The following SPATA6 variants were observed in gnomAD, a reference collection of about 807,000 sequenced individuals.
The protein encoded by SPATA6 is spermatogenesis-associated protein 6.
A neutral mutation model predicts 65.3 loss-of-function variants in SPATA6; 56 were observed. The observed-to-expected ratio is 0.86, with a 90% CI of 0.69 to 1.07. The LOEUF (loss-of-function observed/expected upper bound fraction) is 1.07, where lower values mean the gene tolerates loss of function less well. Ranked by LOEUF, SPATA6 falls within the 50% of genes least tolerant of loss-of-function variation. The pLI is 0.00. For synonymous variants in SPATA6, 199 were observed against 213.2 expected, an observed-to-expected ratio of 0.93 and a Z score of 0.58; for missense variants, 590 against 594.8, an observed-to-expected ratio of 0.99 and a Z score of 0.08.
At chr1:48,365,505 G>C (rs906572248) in intron 9 of SPATA6, among the ~76,000 whole-genome samples, 23 of 152,102 alleles carry the variant, frequency 1.5e-4, no homozygotes, top group Non-Finnish European at 3.1e-4. Flanking sequence ...TCCTTGAAGA[G>C]GTCCTTCACA....
chr1:48,272,435 A>G, the SPATA6 span, among the ~76,000 whole-genome samples: 1 of 152,294 alleles, frequency 6.6e-6, no homozygotes, highest in East Asian at 1.9e-4. Context: ...TGAGATCATG[A>G]AGTATTTTTC....
At chr1:48,457,450 A>G (rs1311304293) in intron 1 of SPATA6, among the ~76,000 whole-genome samples, 1 of 152,164 alleles carries the variant, frequency 6.6e-6, no homozygotes, top group African/African-American at 2.4e-5. Context: ...AAAAAAGAAA[A>G]AAAGAAGATA....
chr1:48,291,088 T>C (rs1247119252), downstream of SPATA6, among the ~76,000 whole-genome samples: 2 of 152,218 alleles, frequency 1.3e-5, no homozygotes, highest in Non-Finnish European at 1.5e-5. Flanking sequence ...ACTGACCACA[T>C]AGCTGGAAGT....
At chr1:48,450,929 T>C (rs1395722171) in intron 3 of SPATA6, among the ~76,000 whole-genome samples, 1 of 152,178 alleles carries the variant, frequency 6.6e-6, no homozygotes, top group African/African-American at 2.4e-5. Context: ...CCCTTTCAAA[T>C]TACAAAGATA....
the SPATA6 span, among the ~76,000 whole-genome samples, chr1:48,279,063 T>C: frequency 7.9e-5 from 12 of 152,196 alleles, no homozygotes; most frequent in South Asian, 1.0e-3. Context: ...AACCCAGAAT[T>C]TCATATCCAG....
chr1:48,387,730 C>G (rs1383479357), intron 8 of SPATA6, among the ~76,000 whole-genome samples: 14 of 152,290 alleles, frequency 9.2e-5, no homozygotes. Flanking sequence ...TCCACCACTA[C>G]TGGCACCTGA....
chr1:48,356,170 C>G (rs1470726984), intron 10 of SPATA6, among the ~76,000 whole-genome samples: 1 of 152,050 alleles, frequency 6.6e-6, no homozygotes, highest in African/African-American at 2.4e-5. Flanking sequence ...CAGAGCAACA[C>G]AGAAGTTAAA....
At chr1:48,284,458 GT>G in the SPATA6 span, among the ~76,000 whole-genome samples, 1 of 152,248 alleles carries the variant, frequency 6.6e-6, no homozygotes, top group East Asian at 1.9e-4. Flanking sequence ...TCTCCATCCA[GT>G]TTTGTTCCCT....
intron 11 of SPATA6, among the ~76,000 whole-genome samples, chr1:48,314,715 G>C (rs897694666): frequency 2.6e-5 from 4 of 151,856 alleles, no homozygotes; most frequent in African/African-American, 9.7e-5. Context: ...AGGAGACAGA[G>C]ACACAAAAGA....
Position 48,472,004 on chromosome 1 carries a change from G to C in SPATA6, c.5C>G (p.Pro2Arg), listed in dbSNP as rs538256444. M[P>R]KVKALQCALA... ...GGCGCACTGCAGCGCCTTCACCTTC[G>C]GCATCCGTGCGGGGAGGGGCGGCGG... Residue 2 changes from proline (P) to arginine (R), a missense_variant, in exon 1 of 13, where the codon CCG becomes CGG. By Grantham distance (103) the Pro-to-Arg change is moderately radical. Transcript: ENST00000371847. 14 of 1,575,524 alleles carry C rather than the reference G, an allele frequency of 8.9e-6. No individual in the cohort carries two copies. The highest frequency in any genetic ancestry group is 1.2e-5 in the Non-Finnish European group (14 of 1,164,612).
intron 3 of SPATA6, among the ~76,000 whole-genome samples, chr1:48,439,143 T>C (rs1433515915): frequency 2.0e-5 from 3 of 152,006 alleles, no homozygotes; most frequent in African/African-American, 7.3e-5. Context: ...AGAGAACACT[T>C]AGGACTCTAA....
At chr1:48,368,068 T>G (rs925698990) in intron 9 of SPATA6, among the ~76,000 whole-genome samples, 2 of 152,190 alleles carry the variant, frequency 1.3e-5, no homozygotes, top group Non-Finnish European at 2.9e-5. Flanking sequence ...TTAGTTTGGC[T>G]GGATATGAAA....
intron 11 of SPATA6, among the ~76,000 whole-genome samples, chr1:48,354,279 C>G (rs975346141): frequency 3.3e-5 from 5 of 152,050 alleles, no homozygotes; most frequent in African/African-American, 9.7e-5. Context: ...GTAGAACTCT[C>G]CCACATTGGT....
At chr1:48,446,272 A>G (rs1356393319) in intron 3 of SPATA6, among the ~76,000 whole-genome samples, 2 of 152,178 alleles carry the variant, frequency 1.3e-5, no homozygotes, top group Non-Finnish European at 2.9e-5. Context: ...TGCCAGTGGT[A>G]TATACTGAAA....
intron 11 of SPATA6, among the ~76,000 whole-genome samples, chr1:48,315,084 C>T (rs573018284): frequency 8.1e-4 from 123 of 152,186 alleles, no homozygotes; most frequent in African/African-American, 2.5e-3. Flanking sequence ...CAGGACCAGA[C>T]GGATTCACAG....
At chr1:48,439,252 A>C (rs1374786837) in intron 3 of SPATA6, among the ~76,000 whole-genome samples, 2 of 152,172 alleles carry the variant, frequency 1.3e-5, no homozygotes, top group Admixed American at 6.5e-5. Flanking sequence ...GTTTTCAAGA[A>C]TGCGTCGGTA....
chr1:48,280,789 T>C, the SPATA6 span, among the ~76,000 whole-genome samples: 1 of 152,138 alleles, frequency 6.6e-6, no homozygotes, highest in African/African-American at 2.4e-5. Context: ...TCTGAAACTA[T>C]TCCAATCAAT....
intron 4 of SPATA6, among the ~76,000 whole-genome samples, chr1:48,412,158 C>T (rs1652306921): frequency 6.6e-6 from 1 of 152,100 alleles, no homozygotes; most frequent in Admixed American, 6.6e-5. Context: ...CCGCGCCCAG[C>T]CAGCACTCTA....
intron 1 of SPATA6, among the ~76,000 whole-genome samples, chr1:48,462,111 G>A (rs917073646): frequency 1.6e-4 from 24 of 151,722 alleles, no homozygotes; most frequent in Non-Finnish European, 3.1e-4. Flanking sequence ...ACCAAACACC[G>A]CATGTTCTCA....
Sources: gnomAD v4.1 joint callset for allele counts (sites outside exome capture counted in the v4.1 genomes callset) on GRCh38, gnomAD v4.1.1 for gene constraint, MANE v1.5 for transcripts, NCBI Gene and HGNC (gene_info 2026-07-23, HGNC 2026-07-21) for gene names.